Variants in ZNF804A observed in about 807,000 individuals in gnomAD.
The protein encoded by ZNF804A is zinc finger protein 804A.
In ZNF804A, 2 loss-of-function variants were observed where a neutral mutation model predicts 16.5. The observed-to-expected ratio is 0.12, with a 90% CI of 0.05 to 0.38. ZNF804A has a LOEUF of 0.38. Ranked by LOEUF, ZNF804A falls within the 10% of genes least tolerant of loss-of-function variation. The pLI is 0.99. For synonymous variants in ZNF804A, 534 were observed against 489.6 expected, an observed-to-expected ratio of 1.09 and a Z score of -1.20; for missense variants, 1,473 against 1,390.7, an observed-to-expected ratio of 1.06 and a Z score of -0.94.
chr2:184,779,449 C>A (rs144947136), intron 1 of ZNF804A, among the ~76,000 whole-genome samples: 1 of 151,730 alleles, frequency 6.6e-6, no homozygotes, highest in East Asian at 1.9e-4. Context: ...ATCCCCAGAA[C>A]CTGTGAATAT....
At chr2:184,630,283 T>A (rs944542295) in intron 1 of ZNF804A, among the ~76,000 whole-genome samples, 3 of 152,160 alleles carry the variant, frequency 2.0e-5, no homozygotes, top group African/African-American at 7.2e-5. Flanking sequence ...GAAATTTGGA[T>A]ACGGAAGTCC....
At chr2:184,629,690 A>C (rs1691573603) in intron 1 of ZNF804A, among the ~76,000 whole-genome samples, 1 of 152,190 alleles carries the variant, frequency 6.6e-6, no homozygotes, top group Non-Finnish European at 1.5e-5. Context: ...GCAATATTAA[A>C]ATTAATCAGT....
intron 1 of ZNF804A, among the ~76,000 whole-genome samples, chr2:184,700,612 C>T (rs565531756): frequency 6.6e-6 from 1 of 152,104 alleles, no homozygotes; most frequent in East Asian, 1.9e-4. Context: ...CATTGGAAGA[C>T]AACCTTGAAT....
chr2:184,623,503 TA>T (rs1691449216), intron 1 of ZNF804A, among the ~76,000 whole-genome samples: 1 of 152,158 alleles, frequency 6.6e-6, no homozygotes. Context: ...ATTTTTCATA[TA>T]TTTTTACTAT....
At chr2:184,805,190 G>A (rs929890787) in intron 1 of ZNF804A, among the ~76,000 whole-genome samples, 2 of 151,876 alleles carry the variant, frequency 1.3e-5, no homozygotes, top group Non-Finnish European at 2.9e-5. Context: ...GTTTTAACAG[G>A]GTCTATCATA....
chr2:184,814,711 T>A (rs1694953165), intron 1 of ZNF804A, among the ~76,000 whole-genome samples: 1 of 152,048 alleles, frequency 6.6e-6, no homozygotes, highest in South Asian at 2.1e-4. Context: ...TTTCCTGACC[T>A]ACTTAAAATC....
chr2:184,655,728 C>T (rs1692065155), intron 1 of ZNF804A, among the ~76,000 whole-genome samples: 1 of 150,872 alleles, frequency 6.6e-6, no homozygotes, highest in Non-Finnish European at 1.5e-5. Context: ...ATTAAGCAGT[C>T]AGTATTATTG....
intron 1 of ZNF804A, among the ~76,000 whole-genome samples, chr2:184,805,063 C>T (rs1011870869): frequency 2.6e-5 from 4 of 152,182 alleles, no homozygotes; most frequent in African/African-American, 4.8e-5. Flanking sequence ...AGGGACCACA[C>T]TGAGAGGACA....
At chr2:184,905,606 G>A (rs947154650) in intron 2 of ZNF804A, among the ~76,000 whole-genome samples, 1 of 152,078 alleles carries the variant, frequency 6.6e-6, no homozygotes, top group Non-Finnish European at 1.5e-5. Flanking sequence ...GAACCAGTAT[G>A]ATTAATACAG....
At chr2:184,615,375 A>T (rs181654608) in intron 1 of ZNF804A, among the ~76,000 whole-genome samples, 4 of 152,288 alleles carry the variant, frequency 2.6e-5, no homozygotes, top group African/African-American at 2.4e-5. Context: ...ATAATAATAA[A>T]AAAAGAATAA....
intron 1 of ZNF804A, among the ~76,000 whole-genome samples, chr2:184,700,914 A>T (rs1692909075): frequency 1.3e-5 from 2 of 152,018 alleles, no homozygotes; most frequent in Admixed American, 6.6e-5. Context: ...TGATTAAATC[A>T]GAGTAATGAG....
chr2:184,842,606 G>T (rs1471619639), intron 1 of ZNF804A, among the ~76,000 whole-genome samples: 1 of 151,342 alleles, frequency 6.6e-6, no homozygotes, highest in Non-Finnish European at 1.5e-5. Context: ...TTTAAAATCT[G>T]TATTTGACTT....
chr2:184,653,592 T>C (rs1465344981), intron 1 of ZNF804A, among the ~76,000 whole-genome samples: 1 of 152,126 alleles, frequency 6.6e-6, no homozygotes, highest in African/African-American at 2.4e-5. Flanking sequence ...CCTTTAGACT[T>C]TGGGTTTTAT....
chr2:184,894,970 G>A (rs903201883), intron 2 of ZNF804A, among the ~76,000 whole-genome samples: 10 of 152,050 alleles, frequency 6.6e-5, no homozygotes, highest in Non-Finnish European at 1.5e-4. Flanking sequence ...TAAGATATAC[G>A]TAAAAATAGA....
At chr2:184,727,247 G>A (rs945387566) in intron 1 of ZNF804A, among the ~76,000 whole-genome samples, 1 of 151,456 alleles carries the variant, frequency 6.6e-6, no homozygotes, top group Non-Finnish European at 1.5e-5. Flanking sequence ...ACAGAGCTTG[G>A]CATAATACAG....
rs187210186 is a variant in ZNF804A at position 184,866,684 on chromosome 2, T to G, written c.255+172T>G. On this transcript the variant is annotated intron_variant, in intron 2 of 3. Coordinates refer to ENST00000302277, the MANE Select transcript of ZNF804A (RefSeq NM_194250.2). Reference sequence around the variant, plus strand: ...GATGACTTACAGCAAAATCCTTTTTTTTTTTTTTAAAAAAAAAGGCACCAA... The same window carrying G: ...GATGACTTACAGCAAAATCCTTTTTGTTTTTTTTAAAAAAAAAGGCACCAA... Among the ~76,000 whole-genome samples, 1,137 of 151,536 alleles carry G rather than the reference T, an allele frequency of 7.5e-3. 20 individuals are homozygous for G. Among genetic ancestry groups the G allele is most frequent in the African/African-American group, 0.026 (1,080 of 41,374 alleles).
At chr2:184,761,395 A>G (rs189242328) in intron 1 of ZNF804A, among the ~76,000 whole-genome samples, 162 of 152,256 alleles carry the variant, frequency 1.1e-3, no homozygotes, top group Non-Finnish European at 2.0e-3. Flanking sequence ...TCAGCCAGGT[A>G]AGGCTCAAAC....
chr2:184,648,109 A>T (rs1161990258), intron 1 of ZNF804A, among the ~76,000 whole-genome samples: 1 of 150,882 alleles, frequency 6.6e-6, no homozygotes, highest in Non-Finnish European at 1.5e-5. Flanking sequence ...AAATAATTTT[A>T]AGAAAAGAAA....
intron 3 of ZNF804A, 106 bp from the exon 4 acceptor site, chr2:184,935,676 TA>T: frequency 1.5e-6 from 2 of 1,334,704 alleles, no homozygotes; most frequent in Non-Finnish European, 2.0e-6. Flanking sequence ...ACAAAGATTT[TA>T]AAATTTGAAA....
Sources: allele counts gnomAD v4.1 joint callset (sites outside exome capture counted in the v4.1 genomes callset), GRCh38; gene constraint gnomAD v4.1.1; transcripts MANE v1.5; gene names NCBI Gene and HGNC (gene_info 2026-07-23, HGNC 2026-07-21).